The following ATRNL1 variants were observed in gnomAD, a reference collection of about 807,000 sequenced individuals.
The protein encoded by ATRNL1 is attractin-like protein 1.
ATRNL1 carries 95 observed loss-of-function variants against 182.7 expected under a neutral mutation model. The observed-to-expected ratio is 0.52, with a 90% CI of 0.44 to 0.62. ATRNL1 has a LOEUF of 0.62. ATRNL1 is among the 20% of genes least tolerant of loss of function. ATRNL1 has a pLI of 0.00. For missense variants in ATRNL1, 1,471 were observed against 1,679.5 expected (o/e 0.88, Z 2.17); for synonymous variants, 576 against 568.3 (o/e 1.01, Z -0.19).
chr10:115,858,091 G>T (rs1175632933), intron 28 of ATRNL1, among the ~76,000 whole-genome samples: 2 of 152,164 alleles, frequency 1.3e-5, no homozygotes, highest in African/African-American at 4.8e-5. Context: ...TTGTGGGTGT[G>T]AATACAATGT....
chr10:115,904,856 A>C (rs782407750), intron 28 of ATRNL1, among the ~76,000 whole-genome samples: 1 of 152,220 alleles, frequency 6.6e-6, no homozygotes, highest in Non-Finnish European at 1.5e-5. Context: ...TAGTGAGCTA[A>C]ATTTTAAAAA....
At chr10:115,789,040 C>T (rs1475737726) in intron 27 of ATRNL1, among the ~76,000 whole-genome samples, 1 of 152,186 alleles carries the variant, frequency 6.6e-6, no homozygotes, top group African/African-American at 2.4e-5. Flanking sequence ...TGGGGAAAGC[C>T]ACTTGTGTTT....
intron 28 of ATRNL1, among the ~76,000 whole-genome samples, chr10:115,903,255 A>G (rs1952407452): frequency 6.6e-6 from 1 of 152,080 alleles, no homozygotes; most frequent in South Asian, 2.1e-4. Flanking sequence ...ACTGCTTTTT[A>G]CCCTTTGAAA....
chr10:115,435,209 C>T (rs1179013973), intron 21 of ATRNL1, among the ~76,000 whole-genome samples: 3 of 151,756 alleles, frequency 2.0e-5, no homozygotes, highest in Admixed American at 6.6e-5. Context: ...TTAGTAGAGA[C>T]GGGGTTTCAC....
At chr10:115,277,357 C>T (rs1852151220) in intron 13 of ATRNL1, among the ~76,000 whole-genome samples, 1 of 151,898 alleles carries the variant, frequency 6.6e-6, no homozygotes, top group Admixed American at 6.6e-5. Flanking sequence ...GAAATTAACA[C>T]CTTTGGAATG....
intron 19 of ATRNL1, among the ~76,000 whole-genome samples, chr10:115,382,463 T>A (rs550920110): frequency 8.2e-4 from 124 of 152,140 alleles, no homozygotes; most frequent in African/African-American, 2.7e-3. Context: ...ATTATTTTTT[T>A]AATTTCATTT....
At chr10:115,706,831 A>G (rs1026114835) in intron 26 of ATRNL1, among the ~76,000 whole-genome samples, 10 of 151,912 alleles carry the variant, frequency 6.6e-5, no homozygotes, top group Non-Finnish European at 1.2e-4. Context: ...GAACAGCTAC[A>G]CATAATCAGA....
chr10:115,247,606 T>C (rs1850701210), intron 10 of ATRNL1, among the ~76,000 whole-genome samples: 1 of 152,110 alleles, frequency 6.6e-6, no homozygotes, highest in Non-Finnish European at 1.5e-5. Context: ...CTATGGAGAA[T>C]AGTATGGAGG....
chr10:115,384,054 ATTAT>A (rs1219035626), intron 19 of ATRNL1, among the ~76,000 whole-genome samples: 3 of 152,014 alleles, frequency 2.0e-5, no homozygotes, highest in South Asian at 2.1e-4. Context: ...TAAAATTAAA[ATTAT>A]TTAATTAGTA....
chr10:115,518,390 C>CT, intron 24 of ATRNL1, among the ~76,000 whole-genome samples: 1 of 151,884 alleles, frequency 6.6e-6, no homozygotes, highest in East Asian at 1.9e-4. Context: ...ATTTTAATAC[C>CT]TGAATGGTTT....
chr10:115,749,081 A>C lies in ATRNL1; in HGVS notation c.3903+21726A>C, dbSNP rs537270142. Among the ~76,000 whole-genome samples, 5 of 152,086 alleles carry C rather than the reference A, an allele frequency of 3.3e-5. No homozygotes were observed. The East Asian group carries it at 9.6e-4, about 29-fold the overall frequency. ...GATGAACCACAGAGCTCAATACAAAATTGATGTTCTTAAGTTAATCAGTTA... is the reference window on the plus strand; with the variant it reads ...GATGAACCACAGAGCTCAATACAAACTTGATGTTCTTAAGTTAATCAGTTA... On this transcript the variant is annotated intron_variant, in intron 27 of 28. Coordinates refer to ENST00000355044, the MANE Select transcript of ATRNL1 (RefSeq NM_207303.4).
At chr10:115,334,484 G>A (rs1422896608) in intron 19 of ATRNL1, 65 bp downstream of exon 19, 42 of 1,293,458 alleles carry the variant, frequency 3.2e-5, no homozygotes, top group South Asian at 2.7e-4. Flanking sequence ...AGAAAGCAGC[G>A]CCTGTTGTGG....
intron 10 of ATRNL1, among the ~76,000 whole-genome samples, chr10:115,261,998 T>C (rs1481147851): frequency 3.3e-5 from 5 of 152,098 alleles, no homozygotes; most frequent in African/African-American, 1.2e-4. Flanking sequence ...ATCTTCACCA[T>C]CTGAAGAAGG....
intron 19 of ATRNL1, among the ~76,000 whole-genome samples, chr10:115,378,955 G>A (rs2134224213): frequency 6.6e-6 from 1 of 152,254 alleles, no homozygotes; most frequent in Admixed American, 6.5e-5. Flanking sequence ...ATATAGCAAG[G>A]GATGGGCATA....
At chr10:115,368,739 A>T (rs1359172544) in intron 19 of ATRNL1, among the ~76,000 whole-genome samples, 5 of 148,464 alleles carry the variant, frequency 3.4e-5, no homozygotes, top group Admixed American at 1.3e-4. Flanking sequence ...TTTGAGGTGA[A>T]TTCTCGCTCT....
intron 27 of ATRNL1, among the ~76,000 whole-genome samples, chr10:115,817,879 T>G (rs1297976899): frequency 0.015 from 41 of 2,724 alleles, no homozygotes; most frequent in Non-Finnish European, 0.13. Flanking sequence ...TACGTTGTGT[T>G]TTTTTTTTTT....
intron 8 of ATRNL1, among the ~76,000 whole-genome samples, chr10:115,194,473 T>G (rs1318003033): frequency 6.6e-6 from 1 of 152,028 alleles, no homozygotes; most frequent in Non-Finnish European, 1.5e-5. Context: ...TTTTTTCTCT[T>G]GAAACCTATT....
chr10:115,260,467 A>T (rs1353657075), intron 10 of ATRNL1, among the ~76,000 whole-genome samples: 1 of 152,234 alleles, frequency 6.6e-6, no homozygotes, highest in East Asian at 1.9e-4. Flanking sequence ...ACCTGATCAG[A>T]ATCCCAGAGG....
chr10:115,226,160 G>C (rs1011823584), intron 9 of ATRNL1, among the ~76,000 whole-genome samples: 1 of 151,820 alleles, frequency 6.6e-6, no homozygotes, highest in African/African-American at 2.4e-5. Context: ...TGGAACTACA[G>C]AGCAGTCTTT....
Sources: gnomAD v4.1 joint callset for allele counts (sites outside exome capture counted in the v4.1 genomes callset) on GRCh38, gnomAD v4.1.1 for gene constraint, MANE v1.5 for transcripts, NCBI Gene and HGNC (gene_info 2026-07-23, HGNC 2026-07-21) for gene names.